SIRPB1: variants seen among roughly 807,000 people sequenced by gnomAD.
The protein encoded by SIRPB1 is signal regulatory protein beta 1.
In SIRPB1, 28 loss-of-function variants were observed where a neutral mutation model predicts 34.1. The observed-to-expected ratio is 0.82, with a 90% CI of 0.61 to 1.12. The LOEUF is 1.12. Among genes scored for constraint, SIRPB1 ranks in the 50% most tolerant of loss-of-function variants. SIRPB1 has a pLI of 0.00. For missense variants in SIRPB1, 499 were observed against 507.0 expected, an observed-to-expected ratio of 0.98 and a Z score of 0.15; for synonymous variants, 211 against 203.8, an observed-to-expected ratio of 1.04 and a Z score of -0.30.
In SIRPB1 at chr20:1,588,372, C is replaced by A. The variant is rs2122252742; in HGVS notation, c.77-9678G>T. On this transcript the variant is annotated intron_variant, in intron 1 of 5. Transcript: ENST00000381605. ...TGGTGGTGAGTCAATCATCCTGTGA[C>A]TTGATGCCTCTGGTAGCCAGCTGCT... Among the ~76,000 whole-genome samples the A allele has an allele frequency of 4.1e-5, 2 of 49,160 alleles. 1 individual carries two copies. The highest frequency in any genetic ancestry group is 1.5e-3 in the South Asian group (2 of 1,344). 32.3% of individuals were successfully genotyped at this position (49,160 alleles called of 152,430 possible).
Position 1,570,930 on chromosome 20 carries a change from C to T in SIRPB1, c.959G>A (p.Cys320Tyr), listed in dbSNP as rs778391352. The change falls in exon 4 of 6, where the codon TGT (cysteine) becomes TAT (tyrosine). Residue 320 changes from cysteine to tyrosine, a missense_variant. By Grantham distance (194) the Cys-to-Tyr change is radical. Transcript: ENST00000381605. ...NWMSWLLVNT[C>Y]AHRDDVVLTC... is the part of the protein sequence containing the mutation. The stretch of plus-strand genomic sequence containing the variant: ...GAGCACCACATCGTCCCTGTGGGCA[C>T]AGGTGTTCACCAGGAGCCAGCTCAT... The T allele has an allele frequency of 1.2e-6, 2 of 1,614,206 alleles. No homozygotes were observed. The highest frequency in any genetic ancestry group is 1.1e-5 in the South Asian group (1 of 91,088).
intron 2 of SIRPB1, among the ~76,000 whole-genome samples, chr20:1,572,632 A>C (rs2422618): frequency 0.16 from 24,923 of 151,940 alleles, 2,677 homozygotes; most frequent in Non-Finnish European, 0.24. Context: ...TGCTTCCCCC[A>C]AAAAACACAG....
At chr20:1,573,707 T>C (rs1373914471) in intron 2 of SIRPB1, among the ~76,000 whole-genome samples, 30 of 144,598 alleles carry the variant, frequency 2.1e-4, no homozygotes, top group Non-Finnish European at 2.3e-4. Context: ...TCAATCCTCC[T>C]TCTATTTGTC....
chr20:1,566,121 C>T (rs2091127718), intron 5 of SIRPB1, 32 bp downstream of exon 5: 1 of 1,423,360 alleles, frequency 7.0e-7, no homozygotes, highest in Non-Finnish European at 9.8e-7. Context: ...TCTGGAGGAG[C>T]CCTTGGTCAG....
At chr20:1,566,070 TGCATG>T in intron 5 of SIRPB1, 78 bp downstream of exon 5, 1 of 814,014 alleles carries the variant, frequency 1.2e-6, no homozygotes, top group Non-Finnish European at 2.0e-6. Context: ...ACCCTGAAGC[TGCATG>T]GCATGTGAGC....
chr20:1,578,587 C>T lies in SIRPB1; in HGVS notation c.184G>A (p.Val62Met). The stretch of plus-strand genomic sequence containing the variant: ...CCTCTAAACCACATGATGGGCCCCA[C>T]AGGGATCAGGGACGTCATAGCACAG... Reference protein sequence around the residue: ...LRCAMTSLIPVGPIMWFRGAG... With the variant: ...LRCAMTSLIPMGPIMWFRGAG... Residue 62 changes from valine to methionine, a missense_variant, in exon 2 of 6, where the codon GTG becomes ATG. Coordinates refer to ENST00000381605, the MANE Select transcript of SIRPB1 (RefSeq NM_006065.5). 6.3e-7 allele frequency: 1 copy of T among 1,584,056 alleles called. No homozygotes were observed. The highest frequency in any genetic ancestry group is 1.1e-5 in the South Asian group (1 of 90,500).
At chr20:1,616,543 G>A (rs1163029746) in intron 1 of SIRPB1, among the ~76,000 whole-genome samples, 1 of 152,160 alleles carries the variant, frequency 6.6e-6, no homozygotes, top group Non-Finnish European at 1.5e-5. Context: ...CCTCTCACAT[G>A]ACACACAAAA....
chr20:1,576,616 T>C (rs2091313560), intron 2 of SIRPB1, among the ~76,000 whole-genome samples: 1 of 148,344 alleles, frequency 6.7e-6, no homozygotes. Flanking sequence ...TTAAAAATGT[T>C]TGAAGTGGGG....
Position 1,610,486 on chromosome 20 carries a change from C to T in SIRPB1, c.76+9383G>A, listed in dbSNP as rs147855570. 2.8e-5 allele frequency among the ~76,000 whole-genome samples: 2 copies of T among 72,360 alleles called. 1 individual carries two copies. Among genetic ancestry groups the T allele is most frequent in the Non-Finnish European group, 5.2e-5 (2 of 38,514 alleles). The allele number at this position is 72,360 out of a possible 152,430, so 47.5% of individuals were successfully genotyped here. A position where few individuals can be genotyped will look rare whatever the true frequency, so the allele number is the denominator to read the frequency against. On this transcript the variant is annotated intron_variant, in intron 1 of 5. Transcript: ENST00000381605. The stretch of plus-strand genomic sequence containing the variant: ...TGTGCTGACATTCCATAATTCAGGA[C>T]TTAGGACGAAGCTCTTGGGCCTCTG...
rs1415345055 is a variant in SIRPB1, at chr20:1,603,804, C to T, written c.76+16065G>A. On this transcript the variant is annotated intron_variant, in intron 1 of 5. Transcript: ENST00000381605. ...GATAAAATTTAAAAATTTGAAGTAA[C>T]CTTACCAGGAGCAGTATTTGAGCCC... 4.0e-5 allele frequency: 23 copies of T among 580,534 alleles called. 9 individuals are homozygous for T. The highest frequency in any genetic ancestry group is 4.8e-5 in the Non-Finnish European group (21 of 440,840). The allele number at this position is 580,534 out of a possible 1,614,324, so 36.0% of individuals were successfully genotyped here. A position where few individuals can be genotyped will look rare whatever the true frequency, so the allele number is the denominator to read the frequency against.
chr20:1,614,606 C>A (rs754772349), intron 1 of SIRPB1, among the ~76,000 whole-genome samples: 137 of 152,086 alleles, frequency 9.0e-4, no homozygotes, highest in Non-Finnish European at 1.6e-3. Flanking sequence ...GGGAGCTCCT[C>A]CCACATGGCT....
In SIRPB1 at chr20:1,565,305, C is replaced by T. The variant is rs1356551358; in HGVS notation, c.*195G>A. On this transcript the variant is annotated 3_prime_UTR_variant, in exon 6 of 6. Coordinates refer to ENST00000381605, the MANE Select transcript of SIRPB1 (RefSeq NM_006065.5). ...AGTGCCCAGAGCCCAATCCCATGGC[C>T]CCTGCTCAGGACCGTGAATAGAGAC... 8.7e-6 allele frequency: 3 copies of T among 345,040 alleles called. No individual in the cohort carries two copies. The highest frequency in any genetic ancestry group is 1.6e-5 in the Non-Finnish European group (3 of 192,360). The allele number at this position is 345,040 out of a possible 1,614,324, so 21.4% of individuals were successfully genotyped here. A position where few individuals can be genotyped will look rare whatever the true frequency, so the allele number is the denominator to read the frequency against.
In SIRPB1 at chr20:1,566,262, C is replaced by G; in HGVS notation, c.1090G>C (p.Ala364Pro). 1 of 1,599,444 alleles carries G rather than the reference C, an allele frequency of 6.3e-7. No individual in the cohort carries two copies. The highest frequency in any genetic ancestry group is 1.1e-5 in the South Asian group (1 of 88,672). Reference protein sequence around the residue: ...EHGSDITHEAALAPTAPLLVA... With the variant: ...EHGSDITHEAPLAPTAPLLVA... ...AGGAGTGGAGCAGTAGGAGCCAGCGCTGCTTCTGGAAATCAGGGAAGAGGA... is the reference window on the plus strand; with the variant it reads ...AGGAGTGGAGCAGTAGGAGCCAGCGGTGCTTCTGGAAATCAGGGAAGAGGA... The change falls in exon 5 of 6, where the codon GCG (alanine) becomes CCG (proline). Residue 364 changes from alanine to proline, a missense_variant. Transcript: ENST00000381605.
chr20:1,603,888 C>G, intron 1 of SIRPB1: 1 of 608,960 alleles, frequency 1.6e-6, no homozygotes, highest in Non-Finnish European at 2.2e-6. Context: ...GCTGGCTGCC[C>G]GTCATGCTCC....
chr20:1,566,208 G>GC lies in SIRPB1; in HGVS notation c.1143dup (p.Leu382AlafsTer35), dbSNP rs748935536. 86 of 1,612,540 alleles carry GC rather than the reference G, an allele frequency of 5.3e-5. No individual in the cohort carries two copies. The East Asian group carries it at 1.9e-3, about 35-fold the overall frequency. ...ATGGCAGAGACACCAACCACCAGTA[G>GC]CAGCTTGGGGCCCAGGAGGAGAGCT... On this transcript the variant is annotated frameshift_variant, in exon 5 of 6. Coordinates refer to ENST00000381605, the MANE Select transcript of SIRPB1 (RefSeq NM_006065.5). LOFTEE classifies it high-confidence loss of function.
rs2091684364 is a variant in SIRPB1, at chr20:1,619,897, C to G, written c.48G>C (p.Leu16=). ...TGAGTCTCCCCAGCAGTAGCGTCAT[C>G]AGCAGGAAAGGACTAGGAAGGTGGG... The part of the protein sequence containing the change: ...SWPHLPSPFL[L]MTLLLGRLTG... Residue 16 remains leucine (L), a synonymous_variant, in exon 1 of 6, where the codon CTG becomes CTC. Transcript: ENST00000381605. 1 of 1,613,784 alleles carries G rather than the reference C, an allele frequency of 6.2e-7. No homozygotes were observed. The highest frequency in any genetic ancestry group is 1.3e-5 in the African/African-American group (1 of 74,920).
rs1230362435 is a variant in SIRPB1, at chr20:1,583,101, A to G, written c.77-4407T>C. Among the ~76,000 whole-genome samples, 2 of 49,094 alleles carry G rather than the reference A, an allele frequency of 4.1e-5. 1 individual carries two copies. The allele number at this position is 49,094 out of a possible 152,430, so 32.2% of individuals were successfully genotyped here. Reference sequence around the variant, plus strand: ...AATTGGTGAAAAAAAATCGACTTGTATACATGCAGAAATCAGAAGAGTCAA... The same window carrying G: ...AATTGGTGAAAAAAAATCGACTTGTGTACATGCAGAAATCAGAAGAGTCAA... On this transcript the variant is annotated intron_variant, in intron 1 of 5. Transcript: ENST00000381605.
intron 2 of SIRPB1, among the ~76,000 whole-genome samples, chr20:1,574,600 A>T (rs1227864484): frequency 1.4e-5 from 2 of 144,384 alleles, no homozygotes; most frequent in African/African-American, 5.0e-5. Context: ...ACTGGACTCC[A>T]ACCCAAACCC....
intron 1 of SIRPB1, among the ~76,000 whole-genome samples, chr20:1,619,101 C>A (rs1271018193): frequency 6.6e-6 from 1 of 152,076 alleles, no homozygotes; most frequent in Non-Finnish European, 1.5e-5. Flanking sequence ...GAGAAAATGG[C>A]CCTGTATAAG....
Sources: allele counts gnomAD v4.1 joint callset (sites outside exome capture counted in the v4.1 genomes callset), GRCh38; gene constraint gnomAD v4.1.1; transcripts MANE v1.5; gene names NCBI Gene and HGNC (gene_info 2026-07-23, HGNC 2026-07-21).